The following ZNF292 variants were observed in gnomAD, a reference collection of about 807,000 sequenced individuals.
The protein encoded by ZNF292 is zinc finger protein 292.
ZNF292 carries 26 observed loss-of-function variants against 217.9 expected under a neutral mutation model. That is an observed-to-expected ratio of 0.12 (90% CI 0.09 to 0.17). The LOEUF (loss-of-function observed/expected upper bound fraction) is 0.17. Among genes scored for constraint, ZNF292 ranks in the 10% least tolerant of loss-of-function variants. ZNF292 has a pLI of 1.00. For missense variants in ZNF292, 2,904 were observed against 3,175.2 expected (o/e 0.91, Z 2.05); for synonymous variants, 1,257 against 1,124.1 (o/e 1.12, Z -2.37).
At chr6:87,228,970 A>G (rs1234906482) in intron 4 of ZNF292, among the ~76,000 whole-genome samples, 2 of 152,110 alleles carry the variant, frequency 1.3e-5, no homozygotes, top group Non-Finnish European at 2.9e-5. Context: ...TGAGATTTTC[A>G]TAGAGATTGT....
chr6:87,258,990 T>A lies in ZNF292; in HGVS notation c.5361T>A (p.Ala1787=). Residue 1787 remains alanine, a synonymous_variant, in exon 8 of 8, where the codon GCT becomes GCA. Transcript: ENST00000369577. ...SQGAGETSQN[A]QINYNIQLPS... ...GTGCTGGTGAAACTTCACAAAATGC[T>A]CAAATAAATTATAACATTCAGCTTC... 1 of 1,613,530 alleles carries A rather than the reference T, an allele frequency of 6.2e-7. No individual in the cohort carries two copies. Among genetic ancestry groups the A allele is most frequent in the Non-Finnish European group, 8.5e-7 (1 of 1,179,670 alleles).
chr6:87,253,034 G>C (rs1307177874), intron 7 of ZNF292, among the ~76,000 whole-genome samples: 1 of 151,454 alleles, frequency 6.6e-6, no homozygotes, highest in Non-Finnish European at 1.5e-5. Flanking sequence ...AGCTTTCTTT[G>C]TAGCTAGGAT....
intron 1 of ZNF292, among the ~76,000 whole-genome samples, chr6:87,179,403 C>T (rs568819537): frequency 4.6e-5 from 7 of 152,072 alleles, no homozygotes; most frequent in South Asian, 2.1e-4. Context: ...TCAGGTGATC[C>T]GCCCGCATCA....
chr6:87,217,016 A>T (rs1772819997), intron 3 of ZNF292, among the ~76,000 whole-genome samples: 1 of 152,012 alleles, frequency 6.6e-6, no homozygotes, highest in Non-Finnish European at 1.5e-5. Context: ...TCAACACTAG[A>T]GCTGGATGTA....
intron 1 of ZNF292, among the ~76,000 whole-genome samples, chr6:87,163,552 G>C (rs779682801): frequency 3.9e-5 from 6 of 152,072 alleles, no homozygotes; most frequent in Non-Finnish European, 7.4e-5. Flanking sequence ...GGAACACTAA[G>C]GTAGCTATGG....
Position 87,186,926 on chromosome 6 carries a change from G to A in ZNF292, c.169-28977G>A, listed in dbSNP as rs115834745. 7.1e-3 allele frequency among the ~76,000 whole-genome samples: 1,084 copies of A among 152,242 alleles called. 18 individuals carry two copies. The highest frequency in any genetic ancestry group is 0.023 in the African/African-American group (951 of 41,530). Reference sequence around the variant, plus strand: ...AAAAATTTTTCCTCCAACTACTCACGTTACATTAGCAGCAAGGGTTCATGG... The same window carrying A: ...AAAAATTTTTCCTCCAACTACTCACATTACATTAGCAGCAAGGGTTCATGG... On this transcript the variant is annotated intron_variant, in intron 1 of 7. Coordinates refer to ENST00000369577, the MANE Select transcript of ZNF292 (RefSeq NM_015021.3).
At chr6:87,250,118 C>T (rs888145372) in intron 7 of ZNF292, among the ~76,000 whole-genome samples, 1 of 151,104 alleles carries the variant, frequency 6.6e-6, no homozygotes, top group Admixed American at 6.6e-5. Context: ...CCTCCATATT[C>T]ATAGGTTCCA....
Position 87,216,330 on chromosome 6 carries a change from G to A in ZNF292, c.355G>A (p.Val119Ile). The A allele has an allele frequency of 6.3e-7, 1 of 1,586,446 alleles. No homozygotes were observed. Among genetic ancestry groups the A allele is most frequent in the Non-Finnish European group, 8.6e-7 (1 of 1,164,302 alleles). The change falls in exon 3 of 8, where the codon GTT (valine) becomes ATT (isoleucine). Residue 119 changes from valine to isoleucine, a missense_variant. Physicochemically the swap from Val to Ile is conservative, Grantham distance 29. Coordinates refer to ENST00000369577, the MANE Select transcript of ZNF292 (RefSeq NM_015021.3). ...TGTTGAACTTTTACTGTGTCTGCCT[G>A]TTGAGTTATCAGATAAACAGTGGGA... ...SCVELLLCLP[V>I]ELSDKQWEQF...
intron 1 of ZNF292, chr6:87,169,784 C>G (rs1771038994): frequency 2.6e-6 from 1 of 388,606 alleles, no homozygotes; most frequent in Non-Finnish European, 5.2e-6. Flanking sequence ...ATAGCTGGGA[C>G]TACAGATGTG....
In ZNF292 at chr6:87,261,387, T is replaced by C; in HGVS notation, c.7758T>C (p.Phe2586=). 6.2e-7 allele frequency: 1 copy of C among 1,612,812 alleles called. No individual in the cohort carries two copies. Among genetic ancestry groups the C allele is most frequent in the Non-Finnish European group, 8.5e-7 (1 of 1,179,392 alleles). The change falls in exon 8 of 8, where the codon TTT becomes TTC. Residue 2586 remains phenylalanine (F), a synonymous_variant. Coordinates refer to ENST00000369577, the MANE Select transcript of ZNF292 (RefSeq NM_015021.3). ...EHPASFDWSS[F]KPMGFEVSFL... is the part of the protein sequence containing the mutation. ...CTGCATCTTTTGACTGGAGCTCTTT[T>C]AAGCCAATGGGATTTGAAGTATCAT...
intron 5 of ZNF292, among the ~76,000 whole-genome samples, chr6:87,235,970 G>GA (rs1411078512): frequency 6.6e-6 from 1 of 152,124 alleles, no homozygotes; most frequent in East Asian, 1.9e-4. Context: ...ACATTACTTT[G>GA]TTAAAAGTCC....
intron 5 of ZNF292, among the ~76,000 whole-genome samples, chr6:87,233,898 A>G (rs903666045): frequency 2.0e-5 from 3 of 152,220 alleles, no homozygotes; most frequent in Admixed American, 1.3e-4. Context: ...AAGTAACTTT[A>G]TAGAATTTTT....
rs1364090694 is a variant in ZNF292, at chr6:87,198,353, C to T, written c.169-17550C>T. Reference sequence around the variant, plus strand: ...CCGAGTAGCTGGGACTACAGGCGTCCGCCACCACACCTGGCTAATTTTTTG... The same window carrying T: ...CCGAGTAGCTGGGACTACAGGCGTCTGCCACCACACCTGGCTAATTTTTTG... On this transcript the variant is annotated intron_variant, in intron 1 of 7. Transcript: ENST00000369577. Among the ~76,000 whole-genome samples, 9 of 152,132 alleles carry T rather than the reference C, an allele frequency of 5.9e-5. No homozygotes were observed. In the East Asian group the frequency reaches 9.7e-4, roughly 16 times the overall value.
Position 87,256,568 on chromosome 6 carries a change from A to C in ZNF292, c.2939A>C (p.Asp980Ala). 6.2e-7 allele frequency: 1 copy of C among 1,613,640 alleles called. No homozygotes were observed. The change falls in exon 8 of 8, where the codon GAT becomes GCT. Residue 980 changes from aspartate to alanine, a missense_variant. By Grantham distance (126) the Asp-to-Ala change is moderately radical. Transcript: ENST00000369577. ...ACGCCAGTTGAAGATACTTGTAATG[A>C]TTTGTGTCATCCAGGTTTCCAGGAG... Reference protein sequence around the residue: ...LHTPVEDTCNDLCHPGFQERK... With the variant: ...LHTPVEDTCNALCHPGFQERK...
chr6:87,241,516 G>A (rs1774286270), intron 5 of ZNF292, among the ~76,000 whole-genome samples: 1 of 148,034 alleles, frequency 6.8e-6, no homozygotes, highest in Admixed American at 6.9e-5. Flanking sequence ...CCTCCCAGAT[G>A]TAAGCGGTTT....
chr6:87,223,594 T>G (rs995801139), intron 4 of ZNF292: 2 of 152,234 alleles, frequency 1.3e-5, no homozygotes, highest in Admixed American at 1.3e-4. Flanking sequence ...CACAGGAGAT[T>G]TGTCTCCTCC....
intron 4 of ZNF292, chr6:87,222,747 C>G (rs1773147966): frequency 4.5e-6 from 2 of 443,880 alleles, no homozygotes; most frequent in Non-Finnish European, 9.1e-6. Flanking sequence ...TAGTTTTTAC[C>G]TAATGTCCTT....
intron 1 of ZNF292, among the ~76,000 whole-genome samples, chr6:87,193,114 A>G (rs572775725): frequency 2.6e-5 from 4 of 152,318 alleles, no homozygotes; most frequent in African/African-American, 9.6e-5. Context: ...CTAGCCTCCA[A>G]GTATCTGGGA....
At chr6:87,155,814 C>A in intron 1 of ZNF292, 55 bp downstream of exon 1, 2 of 1,489,846 alleles carry the variant, frequency 1.3e-6, no homozygotes, top group Middle Eastern at 2.5e-4. Flanking sequence ...GGGAAGAGGG[C>A]GAGCGAGCGC....
Sources: allele counts gnomAD v4.1 joint callset (sites outside exome capture counted in the v4.1 genomes callset), GRCh38; gene constraint gnomAD v4.1.1; transcripts MANE v1.5; gene names NCBI Gene and HGNC (gene_info 2026-07-23, HGNC 2026-07-21).